KHDRBS2: variants seen among roughly 807,000 people sequenced by gnomAD.
KHDRBS2 encodes the protein KH RNA binding domain containing, signal transduction associated 2.
A neutral mutation model predicts 44.3 loss-of-function variants in KHDRBS2; 26 were observed. That is an observed-to-expected ratio of 0.59 (90% CI 0.43 to 0.81). The LOEUF (loss-of-function observed/expected upper bound fraction) is 0.81, where lower values mean the gene tolerates loss of function less well. Among genes scored for constraint, KHDRBS2 ranks in the 40% least tolerant of loss-of-function variants. The pLI, the probability that KHDRBS2 is intolerant of heterozygous loss-of-function variation, is 0.00. For missense variants in KHDRBS2, 476 were observed against 433.1 expected, an observed-to-expected ratio of 1.10 and a Z score of -0.88; for synonymous variants, 194 against 151.1, an observed-to-expected ratio of 1.28 and a Z score of -2.08.
At chr6:61,637,694 T>C in the KHDRBS2 span, among the ~76,000 whole-genome samples, 5 of 152,138 alleles carry the variant, frequency 3.3e-5, no homozygotes, top group Admixed American at 3.3e-4. Flanking sequence ...CTCCAGCACC[T>C]GTTGTTTCCT....
In KHDRBS2 at chr6:61,881,739, A is replaced by G. The variant is rs866089076; in HGVS notation, c.810+12896T>C. ...CTGTAATGCTGAATTTCTACAATTC[A>G]CCATTATGGAAGTGTTACAATATTA... On this transcript the variant is annotated intron_variant, in intron 6 of 8. Transcript: ENST00000281156. Among the ~76,000 whole-genome samples the G allele has an allele frequency of 2.0e-5, 3 of 152,130 alleles. No homozygotes were observed. The Middle Eastern group carries it at 0.01, about 517-fold the overall frequency.
the KHDRBS2 span, among the ~76,000 whole-genome samples, chr6:61,608,193 G>A: frequency 6.6e-6 from 1 of 151,832 alleles, no homozygotes; most frequent in Admixed American, 6.6e-5. Context: ...AATTATCAAA[G>A]CATATTATAG....
At chr6:62,061,734 G>A (rs1791964825) in intron 2 of KHDRBS2, among the ~76,000 whole-genome samples, 2 of 149,870 alleles carry the variant, frequency 1.3e-5, no homozygotes, top group African/African-American at 4.9e-5. Flanking sequence ...TTGCTAGATT[G>A]GGGAAGTTCT....
the KHDRBS2 span, among the ~76,000 whole-genome samples, chr6:61,596,701 G>C: frequency 6.6e-6 from 1 of 151,940 alleles, no homozygotes; most frequent in African/African-American, 2.4e-5. Flanking sequence ...CACCAGGCTG[G>C]AGTACAGTGG....
At chr6:61,959,100 T>G (rs1393925331) in intron 4 of KHDRBS2, among the ~76,000 whole-genome samples, 1 of 152,196 alleles carries the variant, frequency 6.6e-6, no homozygotes, top group Admixed American at 6.6e-5. Flanking sequence ...TTTAAACATT[T>G]TACACATCTT....
chr6:61,838,964 G>A (rs1382598591), intron 6 of KHDRBS2, among the ~76,000 whole-genome samples: 1 of 151,884 alleles, frequency 6.6e-6, no homozygotes, highest in African/African-American at 2.4e-5. Flanking sequence ...ACCTCTCCAG[G>A]GTCATTACTC....
chr6:61,550,068 G>C, the KHDRBS2 span, among the ~76,000 whole-genome samples: 1,434 of 152,084 alleles, frequency 9.4e-3, 14 homozygotes, highest in Non-Finnish European at 0.015. Context: ...TTTATTTTAG[G>C]GTCAGCGGTA....
At chr6:61,947,224 A>C (rs982999387) in intron 4 of KHDRBS2, among the ~76,000 whole-genome samples, 3 of 152,178 alleles carry the variant, frequency 2.0e-5, no homozygotes, top group African/African-American at 7.2e-5. Context: ...GTTCGTGCTC[A>C]TCAGTCAGTT....
chr6:61,704,486 C>A (rs1769176879), intron 7 of KHDRBS2, among the ~76,000 whole-genome samples: 1 of 151,666 alleles, frequency 6.6e-6, no homozygotes, highest in Admixed American at 6.6e-5. Context: ...AAATGTGTGC[C>A]ATTAGCAGCT....
intron 1 of KHDRBS2, among the ~76,000 whole-genome samples, chr6:62,196,570 G>A (rs1326176929): frequency 7.9e-6 from 1 of 127,360 alleles, no homozygotes; most frequent in Admixed American, 7.8e-5. Flanking sequence ...GTACATCTGT[G>A]GTATGGTCTA....
rs574494448 is a variant in KHDRBS2, at chr6:62,249,681, C to T, written c.91+36177G>A. On this transcript the variant is annotated intron_variant, in intron 1 of 8. Transcript: ENST00000281156. ...CGGCCATTTAACTGTAATTGAAAAC[C>T]GCCTGCTTGCTGTCCATATGAAAAC... Among the ~76,000 whole-genome samples the T allele has an allele frequency of 3.9e-5, 6 of 152,056 alleles. No homozygotes were observed. In the South Asian group the frequency reaches 8.3e-4, roughly 21 times the overall value.
intron 1 of KHDRBS2, among the ~76,000 whole-genome samples, chr6:62,265,576 A>G (rs1384891516): frequency 1.3e-5 from 2 of 152,078 alleles, no homozygotes; most frequent in Non-Finnish European, 1.5e-5. Flanking sequence ...AAAATGAATC[A>G]GCTAAGTGTT....
chr6:61,882,445 G>A (rs868457280), intron 6 of KHDRBS2, among the ~76,000 whole-genome samples: 5 of 152,072 alleles, frequency 3.3e-5, no homozygotes, highest in Middle Eastern at 6.8e-3. Context: ...TGGTTTCTAA[G>A]CAATGCAGCC....
intron 7 of KHDRBS2, among the ~76,000 whole-genome samples, chr6:61,707,713 G>C (rs918912380): frequency 1.3e-5 from 2 of 151,630 alleles, no homozygotes; most frequent in Non-Finnish European, 3.0e-5. Flanking sequence ...TACTAATACT[G>C]TAAGTAGATA....
rs181550627 is a variant in KHDRBS2 at position 61,982,384 on chromosome 6, A to T, written c.337-4172T>A. 7.1e-3 allele frequency among the ~76,000 whole-genome samples: 1,078 copies of T among 152,160 alleles called. 9 individuals are homozygous for T. The highest frequency in any genetic ancestry group is 0.01 in the Non-Finnish European group (695 of 67,998). ...ATGTCATTATTTAAATACTTTTAAGAAAAGGGGCCGGGCGCGGTGGCTCAC... is the reference window on the plus strand; with the variant it reads ...ATGTCATTATTTAAATACTTTTAAGTAAAGGGGCCGGGCGCGGTGGCTCAC... On this transcript the variant is annotated intron_variant, in intron 3 of 8. Coordinates refer to ENST00000281156, the MANE Select transcript of KHDRBS2 (RefSeq NM_152688.4).
intron 6 of KHDRBS2, among the ~76,000 whole-genome samples, chr6:61,754,836 T>C (rs1438471506): frequency 6.6e-6 from 1 of 152,154 alleles, no homozygotes; most frequent in East Asian, 1.9e-4. Context: ...TGAAGGTTAG[T>C]GTAAGGTGTT....
the KHDRBS2 span, among the ~76,000 whole-genome samples, chr6:61,558,456 G>A: frequency 3.2e-4 from 49 of 152,200 alleles, 1 homozygote; most frequent in African/African-American, 1.1e-3. Context: ...CAGCCACTTG[G>A]GAGATTGAGA....
At chr6:61,665,060 C>T in the KHDRBS2 span, among the ~76,000 whole-genome samples, 5 of 151,416 alleles carry the variant, frequency 3.3e-5, no homozygotes, top group Admixed American at 2.6e-4. Flanking sequence ...CATGTCTAGT[C>T]TATTTTTGAT....
intron 1 of KHDRBS2, among the ~76,000 whole-genome samples, chr6:62,233,080 A>G (rs1833141645): frequency 6.6e-6 from 1 of 152,136 alleles, no homozygotes; most frequent in Non-Finnish European, 1.5e-5. Flanking sequence ...AATGTCACAT[A>G]AAGATTAACT....
Sources: gnomAD v4.1 joint callset for allele counts (sites outside exome capture counted in the v4.1 genomes callset) on GRCh38, gnomAD v4.1.1 for gene constraint, MANE v1.5 for transcripts, NCBI Gene and HGNC (gene_info 2026-07-23, HGNC 2026-07-21) for gene names.